Variants in COL24A1 observed in about 807,000 individuals in gnomAD.
COL24A1 encodes the protein collagen type XXIV alpha 1 chain, also known as collagen alpha-1(XXIV) chain.
Under a neutral mutation model 253.9 loss-of-function variants are expected in COL24A1, and 224 were observed. The ratio of observed to expected loss-of-function variants is 0.88; its 90% CI spans 0.79 to 0.99. COL24A1 has a LOEUF of 0.99. Ranked by LOEUF, COL24A1 falls within the 50% of genes least tolerant of loss-of-function variation. The pLI is 0.00. For synonymous variants in COL24A1, 685 were observed against 673.7 expected (o/e 1.02, Z -0.26); for missense variants, 2,131 against 2,068.5 (o/e 1.03, Z -0.59).
intron 1 of COL24A1, among the ~76,000 whole-genome samples, chr1:86,152,509 A>T (rs1652910400): frequency 6.6e-6 from 1 of 152,202 alleles, no homozygotes; most frequent in South Asian, 2.1e-4. Flanking sequence ...ATATATGCAA[A>T]TATTCCAAAA....
intron 47 of COL24A1, among the ~76,000 whole-genome samples, chr1:85,813,792 C>T (rs1672811343): frequency 6.6e-6 from 1 of 151,834 alleles, no homozygotes; most frequent in African/African-American, 2.4e-5. Flanking sequence ...ACCTCGTGAT[C>T]CGCCCGCCTC....
intron 2 of COL24A1, among the ~76,000 whole-genome samples, chr1:86,138,692 C>G (rs538449289): frequency 6.6e-6 from 1 of 152,260 alleles, no homozygotes; most frequent in Non-Finnish European, 1.5e-5. Context: ...GTAAATTGCC[C>G]AGTCTTGAGT....
intron 7 of COL24A1, among the ~76,000 whole-genome samples, chr1:86,085,751 A>C (rs1703015149): frequency 6.6e-6 from 1 of 152,244 alleles, no homozygotes; most frequent in African/African-American, 2.4e-5. Flanking sequence ...TTCCTAGTAA[A>C]ATAAGAGTTA....
Position 85,784,512 on chromosome 1 carries a change from G to A in COL24A1, c.4060-146C>T, listed in dbSNP as rs116494983. ...AAATCAAATTTTGCATGTTCATCTT[G>A]TTCACCAATATTTTCCACACAAGTA... On this transcript the variant is annotated intron_variant, in intron 48 of 59. Coordinates refer to ENST00000370571, the MANE Select transcript of COL24A1 (RefSeq NM_152890.7). 2.4e-3 allele frequency: 1,403 copies of A among 594,282 alleles called. 16 individuals are homozygous for A. Among genetic ancestry groups the A allele is most frequent in the African/African-American group, 0.023 (1,239 of 53,782 alleles). 36.8% of individuals were successfully genotyped at this position (594,282 alleles called of 1,614,324 possible). A position where few individuals can be genotyped will look rare whatever the true frequency, so the allele number is the denominator to read the frequency against.
chr1:85,793,799 C>A (rs1009850038), intron 47 of COL24A1, among the ~76,000 whole-genome samples: 2 of 151,906 alleles, frequency 1.3e-5, no homozygotes, highest in African/African-American at 4.8e-5. Flanking sequence ...TTTAAATTTT[C>A]AAAAATGTTC....
At chr1:86,009,698 G>A (rs910001748) in intron 19 of COL24A1, among the ~76,000 whole-genome samples, 36 of 152,310 alleles carry the variant, frequency 2.4e-4, no homozygotes, top group African/African-American at 7.9e-4. Flanking sequence ...GTGAGTGAAT[G>A]TGAAGGCCTA....
intron 28 of COL24A1, 89 bp downstream of exon 28, chr1:85,907,105 A>AG: frequency 1.0e-6 from 1 of 996,382 alleles, no homozygotes; most frequent in Non-Finnish European, 1.6e-6. Flanking sequence ...GAATTCTAGA[A>AG]GGTATGATGC....
At chr1:86,070,454 G>C (rs1701799797) in intron 7 of COL24A1, among the ~76,000 whole-genome samples, 1 of 152,100 alleles carries the variant, frequency 6.6e-6, no homozygotes, top group African/African-American at 2.4e-5. Flanking sequence ...CAAACCTAGA[G>C]AAAGATATCA....
At chr1:86,002,501 T>C (rs1487618841) in intron 19 of COL24A1, among the ~76,000 whole-genome samples, 1 of 152,234 alleles carries the variant, frequency 6.6e-6, no homozygotes, top group East Asian at 1.9e-4. Flanking sequence ...TGCATTCATG[T>C]AGGATGGACA....
intron 23 of COL24A1, 50 bp downstream of exon 23, chr1:85,964,959 T>G (rs1258242747): frequency 5.4e-6 from 8 of 1,474,942 alleles, no homozygotes; most frequent in Non-Finnish European, 7.5e-6. Context: ...CATAATTTTA[T>G]CTTTCTGAAA....
chr1:86,023,427 G>A (rs908959714), intron 14 of COL24A1, among the ~76,000 whole-genome samples: 1 of 152,070 alleles, frequency 6.6e-6, no homozygotes, highest in Non-Finnish European at 1.5e-5. Flanking sequence ...ATTTTTTGAG[G>A]AGTTACTATG....
At chr1:85,849,655 C>G (rs1308891063) in intron 37 of COL24A1, among the ~76,000 whole-genome samples, 1 of 152,120 alleles carries the variant, frequency 6.6e-6, no homozygotes, top group Non-Finnish European at 1.5e-5. Flanking sequence ...GTTCATTATT[C>G]TAGGTGGAAC....
Position 85,799,892 on chromosome 1 carries a change from C to T in COL24A1, c.3952-13431G>A, listed in dbSNP as rs181248983. ...GATCTGGTAGTTAATTGCTTGCTAA[C>T]GGCAACATTAGTTACCATTCAACTT... On this transcript the variant is annotated intron_variant, in intron 47 of 59. Coordinates refer to ENST00000370571, the MANE Select transcript of COL24A1 (RefSeq NM_152890.7). 6.6e-5 allele frequency among the ~76,000 whole-genome samples: 10 copies of T among 152,288 alleles called. No individual in the cohort carries two copies. In the East Asian group the frequency reaches 7.7e-4, roughly 12 times the overall value.
intron 28 of COL24A1, 141 bp downstream of exon 28, chr1:85,907,053 C>T (rs1684904833): frequency 1.7e-6 from 1 of 585,934 alleles, no homozygotes; most frequent in Non-Finnish European, 3.0e-6. Flanking sequence ...GGGCATTCAT[C>T]TAATATAATG....
intron 24 of COL24A1, among the ~76,000 whole-genome samples, chr1:85,941,013 G>A (rs531271199): frequency 6.6e-6 from 1 of 152,248 alleles, no homozygotes; most frequent in Non-Finnish European, 1.5e-5. Context: ...TAACTTGGTT[G>A]AACTTAAGGT....
chr1:85,878,316 CAT>C (rs1362599419), intron 32 of COL24A1, among the ~76,000 whole-genome samples: 21 of 152,156 alleles, frequency 1.4e-4, no homozygotes, highest in African/African-American at 4.6e-4. Context: ...TGTGTCCTCA[CAT>C]GTTAGAAGAA....
intron 52 of COL24A1, among the ~76,000 whole-genome samples, chr1:85,780,984 T>C (rs527852057): frequency 6.6e-6 from 1 of 152,302 alleles, no homozygotes; most frequent in Non-Finnish European, 1.5e-5. Context: ...CTCCCCTTCC[T>C]GACTCAGTTC....
chr1:86,136,747 T>C (rs1019023302), intron 2 of COL24A1, among the ~76,000 whole-genome samples: 1 of 152,022 alleles, frequency 6.6e-6, no homozygotes, highest in African/African-American at 2.4e-5. Flanking sequence ...TTGGCAAATC[T>C]CACTAATTAA....
chr1:85,833,347 CA>C (rs1269877271), intron 43 of COL24A1, among the ~76,000 whole-genome samples: 2 of 152,218 alleles, frequency 1.3e-5, no homozygotes, highest in African/African-American at 4.8e-5. Flanking sequence ...TTTATGCAGC[CA>C]AAAAACACAT....
Sources: allele counts gnomAD v4.1 joint callset (sites outside exome capture counted in the v4.1 genomes callset), GRCh38; gene constraint gnomAD v4.1.1; transcripts MANE v1.5; gene names NCBI Gene and HGNC (gene_info 2026-07-23, HGNC 2026-07-21).